Variants in HELZ observed in about 807,000 individuals in gnomAD.
HELZ encodes the protein ATP-dependent RNA helicase with zinc finger domain.
In HELZ, 23 loss-of-function variants were observed where a neutral mutation model predicts 218.2. That is an observed-to-expected ratio of 0.11 (90% CI 0.08 to 0.15). The LOEUF (loss-of-function observed/expected upper bound fraction) is 0.15. Among genes scored for constraint, HELZ ranks in the 10% least tolerant of loss-of-function variants. The pLI is 1.00. For missense variants in HELZ, 1,813 were observed against 2,353.7 expected, an observed-to-expected ratio of 0.77 and a Z score of 4.75; for synonymous variants, 814 against 829.4, an observed-to-expected ratio of 0.98 and a Z score of 0.32.
chr17:67,200,455 A>C (rs770185783), intron 7 of HELZ, among the ~76,000 whole-genome samples: 5 of 152,192 alleles, frequency 3.3e-5, no homozygotes, highest in Non-Finnish European at 7.3e-5. Flanking sequence ...GACAAAAAGA[A>C]GGCCTGGTGT....
At chr17:67,088,518 A>C (rs2036461199) in intron 31 of HELZ, among the ~76,000 whole-genome samples, 1 of 152,202 alleles carries the variant, frequency 6.6e-6, no homozygotes, top group African/African-American at 2.4e-5. Flanking sequence ...ACTAGGATGT[A>C]AACTAGGGAA....
chr17:67,079,713 G>A (rs2036129464), intron 32 of HELZ, among the ~76,000 whole-genome samples: 1 of 152,176 alleles, frequency 6.6e-6, no homozygotes, highest in African/African-American at 2.4e-5. Flanking sequence ...GCACTGGCAT[G>A]ATAACTGTTT....
At chr17:67,234,206 C>T (rs2041116929) in intron 3 of HELZ, among the ~76,000 whole-genome samples, 1 of 150,256 alleles carries the variant, frequency 6.7e-6, no homozygotes, top group Admixed American at 6.7e-5. Context: ...GCCTCTAATC[C>T]CAGCTACTAG....
chr17:67,224,686 A>C, intron 3 of HELZ: 1 of 757,964 alleles, frequency 1.3e-6, no homozygotes, highest in South Asian at 1.3e-5. Context: ...GTGTCTTAAA[A>C]ATATAAGCCT....
chr17:67,174,317 G>A (rs2039392807), intron 13 of HELZ, among the ~76,000 whole-genome samples: 1 of 151,970 alleles, frequency 6.6e-6, no homozygotes, highest in Admixed American at 6.6e-5. Context: ...AAATGACCAT[G>A]TAAAAGGCAC....
At chr17:67,131,555 C>CT (rs533904380) in intron 23 of HELZ, among the ~76,000 whole-genome samples, 2,218 of 145,252 alleles carry the variant, frequency 0.015, 54 homozygotes, top group Admixed American at 0.072. Flanking sequence ...TAAATCTGAC[C>CT]TTTTTTTTTT....
chr17:67,123,467 GTCT>G (rs1191042029), intron 25 of HELZ, among the ~76,000 whole-genome samples: 3 of 152,094 alleles, frequency 2.0e-5, no homozygotes, highest in Admixed American at 2.0e-4. Flanking sequence ...CTAGTAAACA[GTCT>G]TCTATCTAAA....
intron 3 of HELZ, chr17:67,225,516 G>A (rs921587642): frequency 6.5e-6 from 1 of 153,186 alleles, no homozygotes; most frequent in African/African-American, 2.4e-5. Context: ...CTGAAACAGG[G>A]TTAACATAGT....
rs938027569 is a variant in HELZ at position 67,075,096 on chromosome 17, C to T, written c.*3156G>A. The T allele has an allele frequency of 7.2e-5, 11 of 151,946 alleles. No homozygotes were observed. The highest frequency in any genetic ancestry group is 2.2e-4 in the African/African-American group (9 of 41,378). The allele number at this position is 151,946 out of a possible 1,614,324, so 9.4% of individuals were successfully genotyped here. A position where few individuals can be genotyped will look rare whatever the true frequency, so the allele number is the denominator to read the frequency against. On this transcript the variant is annotated 3_prime_UTR_variant, in exon 33 of 33. Transcript: ENST00000358691. ...CACACAAGAAAATATCCATGTTACA[C>T]GGAATGAGGTTCTTCAAATCGTAAC... is the stretch of plus-strand genomic sequence containing the variant.
At chr17:67,216,631 C>G in intron 4 of HELZ, among the ~76,000 whole-genome samples, 1 of 151,936 alleles carries the variant, frequency 6.6e-6, no homozygotes, top group Non-Finnish European at 1.5e-5. Flanking sequence ...TTCCTTCCCC[C>G]AATTCTCTCC....
At chr17:67,183,519 A>G (rs1482757279) in intron 12 of HELZ, among the ~76,000 whole-genome samples, 1 of 152,248 alleles carries the variant, frequency 6.6e-6, no homozygotes, top group Non-Finnish European at 1.5e-5. Flanking sequence ...AAGATAGACT[A>G]AATTTTAATG....
rs1186294438 is a variant in HELZ, at chr17:67,196,605, GGTGC to G, written c.430-1139_430-1136del. ...GGATGGATGGATGGATGGATGGATG[GGTGC>G]ATGGGTGGGTGGATGGGAACATGGG... On this transcript the variant is annotated intron_variant, in intron 7 of 32. Transcript: ENST00000358691. Among the ~76,000 whole-genome samples, 267 of 150,814 alleles carry G rather than the reference GGTGC, an allele frequency of 1.8e-3. 1 individual carries two copies. The highest frequency in any genetic ancestry group is 6.2e-3 in the African/African-American group (254 of 40,682).
At position 67,166,567 on chromosome 17, in the gene HELZ, T is replaced by C. The variant is rs764886744; in HGVS notation, c.1806A>G (p.Glu602=). The change falls in exon 15 of 33, where the codon GAA becomes GAG. Residue 602 remains glutamate, a synonymous_variant. Coordinates refer to ENST00000358691, the MANE Select transcript of HELZ (RefSeq NM_014877.4). ...TGATCCTGTCTAGTGCATAGTGCAT[T>C]TCACAGAGGGGTAATCGATTTAATT... ...QFQLNRLPLC[E]MHYALDRIKD... 1.2e-6 allele frequency: 2 copies of C among 1,613,364 alleles called. No individual in the cohort carries two copies. Among genetic ancestry groups the C allele is most frequent in the Admixed American group, 3.3e-5 (2 of 60,026 alleles).
chr17:67,242,840 G>GAA (rs1013945018), intron 2 of HELZ, among the ~76,000 whole-genome samples: 2 of 118,580 alleles, frequency 1.7e-5, no homozygotes, highest in Admixed American at 8.7e-5. Context: ...CCTCAATCTA[G>GAA]AAAAAAAAAA....
chr17:67,245,640 C>G (rs2041463708), upstream of HELZ: 1 of 492,816 alleles, frequency 2.0e-6, no homozygotes, highest in Non-Finnish European at 2.6e-6. Context: ...GCCGGGGTCG[C>G]CTTCAGAGGC....
At chr17:67,184,734 T>C (rs528051885) in intron 12 of HELZ, among the ~76,000 whole-genome samples, 2 of 152,190 alleles carry the variant, frequency 1.3e-5, no homozygotes, top group Middle Eastern at 3.4e-3. Flanking sequence ...GAAGATCACT[T>C]GAGCCTAGGA....
Position 67,086,815 on chromosome 17 carries a change from C to T in HELZ, c.5494+14G>A. 1.2e-6 allele frequency: 2 copies of T among 1,612,490 alleles called. No individual in the cohort carries two copies. The highest frequency in any genetic ancestry group is 1.7e-6 in the Non-Finnish European group (2 of 1,179,114). On this transcript the variant is annotated intron_variant, in intron 32 of 32. Transcript: ENST00000358691. ...AGGAGTACAGATTAGTTTTAGCCAC[C>T]AACTCTGTCTTACCTATCAACTCTC... is the stretch of plus-strand genomic sequence containing the variant.
intron 20 of HELZ, 62 bp downstream of exon 20, chr17:67,148,507 T>C (rs2038578345): frequency 6.9e-7 from 1 of 1,449,784 alleles, no homozygotes; most frequent in African/African-American, 1.4e-5. Context: ...AGTGCTGTTT[T>C]GAGTTCCCTC....
intron 3 of HELZ, among the ~76,000 whole-genome samples, chr17:67,228,910 G>T (rs1413504167): frequency 6.6e-6 from 1 of 152,056 alleles, no homozygotes; most frequent in Non-Finnish European, 1.5e-5. Context: ...TGGAGTCAGG[G>T]TGTCTCTGTG....
Sources: gnomAD v4.1 joint callset for allele counts (sites outside exome capture counted in the v4.1 genomes callset) on GRCh38, gnomAD v4.1.1 for gene constraint, MANE v1.5 for transcripts, NCBI Gene and HGNC (gene_info 2026-07-23, HGNC 2026-07-21) for gene names.